Variants in GPC3 observed in about 807,000 individuals in gnomAD.
The protein encoded by GPC3 is glypican 3, also known as glypican-3.
In GPC3, 3 loss-of-function variants were observed where a neutral mutation model predicts 34.4. The observed-to-expected ratio is 0.09, with a 90% CI of 0.04 to 0.23. GPC3 has a LOEUF of 0.23. GPC3 is among the 10% of genes least tolerant of loss of function. The probability of loss-of-function intolerance (pLI) is 1.00; values close to 1 mark genes in which losing one functional copy is unlikely to be tolerated. For missense variants in GPC3, 351 were observed against 445.6 expected, an observed-to-expected ratio of 0.79 and a Z score of 1.91; for synonymous variants, 177 against 174.0, an observed-to-expected ratio of 1.02 and a Z score of -0.13.
chrX:133,540,473 G>GT (rs1046705192), intron 7 of GPC3, among the ~76,000 whole-genome samples: 1 of 112,117 alleles, frequency 8.9e-6, no homozygotes, highest in Non-Finnish European at 1.9e-5. Context: ...AATATCGTAT[G>GT]TTTTCACTTA....
intron 2 of GPC3, among the ~76,000 whole-genome samples, chrX:133,860,772 T>C (rs1310208892): frequency 3.1e-4 from 35 of 111,540 alleles, no homozygotes; most frequent in Admixed American, 2.5e-3. Flanking sequence ...ATCTCAACCA[T>C]CATCATATTC....
intron 7 of GPC3, among the ~76,000 whole-genome samples, chrX:133,576,428 C>T (rs183623120): frequency 1.4e-3 from 152 of 110,544 alleles, no homozygotes; most frequent in African/African-American, 4.4e-3. Flanking sequence ...TTAGCAGAGA[C>T]GGGGTTTCAC....
At chrX:133,755,417 C>G (rs2071717971) in intron 2 of GPC3, among the ~76,000 whole-genome samples, 1 of 111,997 alleles carries the variant, frequency 8.9e-6, no homozygotes, top group Non-Finnish European at 1.9e-5. Context: ...CACCATCTGC[C>G]CCAGATCCCT....
At chrX:133,719,217 G>C (rs758039630) in intron 3 of GPC3, among the ~76,000 whole-genome samples, 1 of 111,493 alleles carries the variant, frequency 9.0e-6, no homozygotes, top group South Asian at 3.8e-4. Flanking sequence ...AATTTAAAAA[G>C]TTTGAAATCA....
At chrX:133,819,876 T>C (rs946322944) in intron 2 of GPC3, among the ~76,000 whole-genome samples, 2 of 112,141 alleles carry the variant, frequency 1.8e-5, no homozygotes, top group South Asian at 3.7e-4. Flanking sequence ...TTGCTCAAGG[T>C]TATACATGGT....
chrX:133,553,833 A>G (rs1412750870), intron 7 of GPC3, among the ~76,000 whole-genome samples: 1 of 112,031 alleles, frequency 8.9e-6, no homozygotes, highest in Non-Finnish European at 1.9e-5. Flanking sequence ...GAATTCAATA[A>G]TTTTTAAATT....
chrX:133,780,097 T>C (rs2072030710), intron 2 of GPC3, among the ~76,000 whole-genome samples: 1 of 111,816 alleles, frequency 8.9e-6, no homozygotes, highest in Admixed American at 9.5e-5. Flanking sequence ...GGAAATGACC[T>C]AGACGCCATG....
chrX:133,704,653 A>G (rs1000887435), intron 3 of GPC3, among the ~76,000 whole-genome samples: 4 of 109,991 alleles, frequency 3.6e-5, no homozygotes, highest in African/African-American at 1.3e-4. Flanking sequence ...TCTTCTTGGT[A>G]TAGGGTGGGC....
chrX:133,686,593 G>T (rs1359838798), intron 5 of GPC3, among the ~76,000 whole-genome samples: 1 of 111,029 alleles, frequency 9.0e-6, no homozygotes, highest in East Asian at 2.8e-4. Flanking sequence ...CTTGCCAGGG[G>T]CTGGAGGAAA....
At position 133,815,955 on chromosome X, in the gene GPC3, T is replaced by C. The variant is rs185145647; in HGVS notation, c.338-61779A>G. Reference sequence around the variant, plus strand: ...TGAAATTCAGCATTATTCTCCTCCCTGTGGAGGTGGCACATTACACCACTG... The same window carrying C: ...TGAAATTCAGCATTATTCTCCTCCCCGTGGAGGTGGCACATTACACCACTG... On this transcript the variant is annotated intron_variant, in intron 2 of 7. Coordinates refer to ENST00000370818, the MANE Select transcript of GPC3 (RefSeq NM_004484.4). Among the ~76,000 whole-genome samples, 490 of 111,988 alleles carry C rather than the reference T, an allele frequency of 4.4e-3. 3 individuals are homozygous for C. The highest frequency in any genetic ancestry group is 0.016 in the African/African-American group (478 of 30,824).
intron 6 of GPC3, among the ~76,000 whole-genome samples, chrX:133,625,782 A>C (rs772326633): frequency 0.024 from 2,689 of 111,708 alleles, 85 homozygotes; most frequent in African/African-American, 0.082. Flanking sequence ...TCAAGCTACC[A>C]ATGACTTTCT....
intron 7 of GPC3, among the ~76,000 whole-genome samples, chrX:133,553,909 C>T (rs1476401442): frequency 1.8e-5 from 2 of 111,715 alleles, no homozygotes; most frequent in Non-Finnish European, 3.8e-5. Flanking sequence ...AATAAGATCC[C>T]TCATGCTAGT....
chrX:133,548,708 T>C (rs1461848157), intron 7 of GPC3, among the ~76,000 whole-genome samples: 2 of 111,858 alleles, frequency 1.8e-5, no homozygotes, highest in Non-Finnish European at 3.8e-5. Flanking sequence ...CATCTTGAAT[T>C]CCCAAGGGTT....
At chrX:133,704,277 G>GAA (rs372010975) in intron 3 of GPC3, 646 of 819,402 alleles carry the variant, frequency 7.9e-4, no homozygotes, top group African/African-American at 2.8e-3. Flanking sequence ...CAGTTTCCTT[G>GAA]AAAAAAAAAA....
intron 7 of GPC3, among the ~76,000 whole-genome samples, chrX:133,578,179 G>T (rs1309458755): frequency 1.8e-5 from 2 of 111,868 alleles, no homozygotes; most frequent in Non-Finnish European, 3.8e-5. Flanking sequence ...ACTGGCATCT[G>T]CCCATTTGCC....
chrX:133,725,607 AG>A (rs2071399751), intron 3 of GPC3, among the ~76,000 whole-genome samples: 1 of 111,968 alleles, frequency 8.9e-6, no homozygotes, highest in Non-Finnish European at 1.9e-5. Context: ...AGAGCCTCAA[AG>A]ACATAGGTCT....
At chrX:133,661,937 C>G (rs1316794536) in intron 5 of GPC3, 87 bp from the exon 6 acceptor site, 2 of 1,089,430 alleles carry the variant, frequency 1.8e-6, no homozygotes, top group Admixed American at 4.5e-5. Flanking sequence ...AACAGTCAGA[C>G]TGACCACAAG....
At chrX:133,733,026 C>A (rs1315520472) in intron 3 of GPC3, among the ~76,000 whole-genome samples, 2 of 110,980 alleles carry the variant, frequency 1.8e-5, no homozygotes, top group Non-Finnish European at 3.8e-5. Flanking sequence ...CCACACCTGG[C>A]TAATTTTTGT....
At chrX:133,820,632 C>T (rs1468938823) in intron 2 of GPC3, among the ~76,000 whole-genome samples, 1 of 111,209 alleles carries the variant, frequency 9.0e-6, no homozygotes, top group Non-Finnish European at 1.9e-5. Context: ...ATCAGAGCAG[C>T]CAGTTGGGCC....
Sources: gnomAD v4.1 joint callset for allele counts (sites outside exome capture counted in the v4.1 genomes callset) on GRCh38, gnomAD v4.1.1 for gene constraint, MANE v1.5 for transcripts, NCBI Gene and HGNC (gene_info 2026-07-23, HGNC 2026-07-21) for gene names.